NOVA1: variants seen among roughly 807,000 people sequenced by gnomAD.
NOVA1 encodes the protein RNA-binding protein Nova-1.
In NOVA1, 7 loss-of-function variants were observed where a neutral mutation model predicts 38.0. That is an observed-to-expected ratio of 0.18 (90% CI 0.10 to 0.35). The LOEUF is 0.35. Among genes scored for constraint, NOVA1 ranks in the 10% least tolerant of loss-of-function variants. The pLI is 1.00. For missense variants in NOVA1, 460 were observed against 616.0 expected, an observed-to-expected ratio of 0.75 and a Z score of 2.68; for synonymous variants, 270 against 232.5, an observed-to-expected ratio of 1.16 and a Z score of -1.47.
intron 2 of NOVA1, among the ~76,000 whole-genome samples, chr14:26,530,647 C>T (rs1270301535): frequency 1.3e-5 from 2 of 152,112 alleles, no homozygotes; most frequent in East Asian, 3.9e-4. Flanking sequence ...ATTATCCATG[C>T]AAACAAAGGA....
intron 4 of NOVA1, among the ~76,000 whole-genome samples, chr14:26,462,787 T>G (rs567817328): frequency 6.6e-6 from 1 of 152,296 alleles, no homozygotes; most frequent in African/African-American, 2.4e-5. Context: ...AAAGCATATG[T>G]AATGTCAAAG....
chr14:26,448,969 ATT>A lies in NOVA1; in HGVS notation c.520-8_520-7del, dbSNP rs1197834436. The A allele has an allele frequency of 1.3e-6, 2 of 1,588,024 alleles. No individual in the cohort carries two copies. The highest frequency in any genetic ancestry group is 3.6e-5 in the Admixed American group (2 of 54,942). ...TTGGGAACTATAATCTTTACCTGTA[ATT>A]AAAAAAAATACGTATAAATAATACT... On this transcript the variant is annotated splice_polypyrimidine_tract_variant and splice_region_variant and intron_variant, in intron 4 of 4. Coordinates refer to ENST00000539517, the MANE Select transcript of NOVA1 (RefSeq NM_002515.3). The surrounding 1 kb of genome is among the most constrained non-coding windows in gnomAD (Gnocchi z 5.3).
intron 2 of NOVA1, among the ~76,000 whole-genome samples, chr14:26,569,310 T>G (rs1422147539): frequency 6.6e-6 from 1 of 152,230 alleles, no homozygotes; most frequent in East Asian, 1.9e-4. Context: ...ATGAACCTTG[T>G]AAAGTATTTT....
intron 2 of NOVA1, among the ~76,000 whole-genome samples, chr14:26,574,128 C>T (rs1162320292): frequency 2.0e-5 from 3 of 149,890 alleles, no homozygotes; most frequent in African/African-American, 5.0e-5. Context: ...TGGGCTCAAG[C>T]GATTCTCCTG....
At chr14:26,463,590 T>C (rs1883878533) in intron 4 of NOVA1, among the ~76,000 whole-genome samples, 2 of 152,202 alleles carry the variant, frequency 1.3e-5, no homozygotes, top group East Asian at 1.9e-4. Context: ...CTGTCATGTG[T>C]TCAAGATATT....
chr14:26,491,071 C>T (rs1472889859), intron 2 of NOVA1, among the ~76,000 whole-genome samples: 1 of 151,882 alleles, frequency 6.6e-6, no homozygotes, highest in Non-Finnish European at 1.5e-5. Context: ...AGGATGGCCT[C>T]GATCTCCTGG....
chr14:26,517,718 T>C (rs1054628382), intron 2 of NOVA1, among the ~76,000 whole-genome samples: 2 of 152,152 alleles, frequency 1.3e-5, no homozygotes, highest in Non-Finnish European at 2.9e-5. Context: ...AAATTAATCT[T>C]ATCACAAACA....
At chr14:26,456,249 T>C (rs1198951178) in intron 4 of NOVA1, among the ~76,000 whole-genome samples, 1 of 151,896 alleles carries the variant, frequency 6.6e-6, no homozygotes, top group Non-Finnish European at 1.5e-5. Context: ...TTCATTGAAG[T>C]AGATGGTGGA....
At position 26,597,696 on chromosome 14, in the gene NOVA1, G is replaced by C; in HGVS notation, c.-260C>G. ...ACAGGGGAATGGAGGGGGTGTGAGA[G>C]ACGGAGGGTGAAAGAAGAAGAAGAA... On this transcript the variant is annotated 5_prime_UTR_variant, in exon 1 of 5. Transcript: ENST00000539517. The C allele has an allele frequency of 8.7e-7, 1 of 1,152,730 alleles. No individual in the cohort carries two copies. Among genetic ancestry groups the C allele is most frequent in the Non-Finnish European group, 1.1e-6 (1 of 940,724 alleles). 71.4% of individuals were successfully genotyped at this position (1,152,730 alleles called of 1,614,324 possible).
Position 26,597,804 on chromosome 14 carries a change from A to C in NOVA1, c.-368T>G, listed in dbSNP as rs1300098048. On this transcript the variant is annotated 5_prime_UTR_variant, in exon 1 of 5. Transcript: ENST00000539517. ...GGGACCGGGGAGGACAGGCAGAGGG[A>C]GTGGGAGAGCGCGAGGGCTGGCGGG... The C allele has an allele frequency of 1.8e-5, 9 of 506,490 alleles. No homozygotes were observed. The highest frequency in any genetic ancestry group is 2.0e-5 in the Non-Finnish European group (8 of 399,278). 31.4% of individuals were successfully genotyped at this position (506,490 alleles called of 1,614,324 possible). A position where few individuals can be genotyped will look rare whatever the true frequency, so the allele number is the denominator to read the frequency against.
chr14:26,505,082 A>C (rs1474244840), intron 2 of NOVA1, among the ~76,000 whole-genome samples: 2 of 152,178 alleles, frequency 1.3e-5, no homozygotes, highest in African/African-American at 4.8e-5. Context: ...AGTAAATCAC[A>C]TTCAGATAGG....
At chr14:26,459,822 A>T (rs1453276745) in intron 4 of NOVA1, among the ~76,000 whole-genome samples, 2 of 152,018 alleles carry the variant, frequency 1.3e-5, no homozygotes, top group Non-Finnish European at 1.5e-5. Flanking sequence ...CTCCATTTAA[A>T]CTTATGTAAC....
intron 2 of NOVA1, among the ~76,000 whole-genome samples, chr14:26,512,837 A>T (rs1888200179): frequency 5.5e-5 from 1 of 18,184 alleles, no homozygotes; most frequent in South Asian, 0.062. Context: ...TACATATCAT[A>T]AGAGGTAATC....
chr14:26,448,069 C>T lies in NOVA1; in HGVS notation c.1414G>A (p.Val472Ile), dbSNP rs779595724. 6.2e-7 allele frequency: 1 copy of T among 1,614,174 alleles called. No individual in the cohort carries two copies. The highest frequency in any genetic ancestry group is 2.2e-5 in the East Asian group (1 of 44,876). The change falls in exon 5 of 5, where the codon GTA becomes ATA. Residue 472 changes from valine to isoleucine, a missense_variant. Physicochemically the swap from Val to Ile is conservative, Grantham distance 29. Transcript: ENST00000539517. This position sits in a 1 kb window ranked among gnomAD's most constrained non-coding sequence, Gnocchi z 5.3. ...EFVPGTRNRK[V>I]TITGTPAATQ... The stretch of plus-strand genomic sequence containing the variant: ...GCAGCTGGTGTTCCAGTAATGGTTA[C>T]CTTCCGATTCCTTGTGCCAGGTACG...
Position 26,445,380 on chromosome 14 carries a change from C to T in NOVA1, c.*2579G>A, listed in dbSNP as rs1881991640. 1 of 152,172 alleles carries T rather than the reference C, an allele frequency of 6.6e-6. No individual in the cohort carries two copies. Among genetic ancestry groups the T allele is most frequent in the African/African-American group, 2.4e-5 (1 of 41,444 alleles). The allele number at this position is 152,172 out of a possible 1,614,324, so 9.4% of individuals were successfully genotyped here. A position where few individuals can be genotyped will look rare whatever the true frequency, so the allele number is the denominator to read the frequency against. ...GAAGCTGATTTACACATAATGCATA[C>T]AAACCCTTATCTGTCACCATAAATT... On this transcript the variant is annotated 3_prime_UTR_variant, in exon 5 of 5. Transcript: ENST00000539517.
At chr14:26,518,661 G>A (rs983640968) in intron 2 of NOVA1, among the ~76,000 whole-genome samples, 11 of 151,922 alleles carry the variant, frequency 7.2e-5, no homozygotes, top group Non-Finnish European at 7.4e-5. Context: ...GAGAATATTC[G>A]AAATCCTCTA....
chr14:26,581,669 T>C (rs1893234163), intron 2 of NOVA1, among the ~76,000 whole-genome samples: 1 of 151,934 alleles, frequency 6.6e-6, no homozygotes, highest in Admixed American at 6.6e-5. Flanking sequence ...GATTTACATA[T>C]GAATTGGAAA....
Position 26,460,024 on chromosome 14 carries a change from A to G in NOVA1, c.520-11061T>C, listed in dbSNP as rs1408207082. On this transcript the variant is annotated intron_variant, in intron 4 of 4. Transcript: ENST00000539517. ...TATATTTACTGATTAGGTGAATTAT[A>G]TATTTCTTATTATTTTAATTTCACC... is the stretch of plus-strand genomic sequence containing the variant. Among the ~76,000 whole-genome samples, 6 of 151,996 alleles carry G rather than the reference A, an allele frequency of 3.9e-5. No homozygotes were observed. The East Asian group carries it at 1.2e-3, about 29-fold the overall frequency.
At chr14:26,474,623 G>A (rs906622408) in intron 3 of NOVA1, among the ~76,000 whole-genome samples, 8 of 151,740 alleles carry the variant, frequency 5.3e-5, no homozygotes, top group Non-Finnish European at 7.4e-5. Context: ...TAAAATCAAT[G>A]ATTTTAAATT....
Sources: gnomAD v4.1 joint callset for allele counts (sites outside exome capture counted in the v4.1 genomes callset) on GRCh38, gnomAD v4.1.1 for gene constraint, Gnocchi (gnomAD v3.1) non-coding constraint, MANE v1.5 for transcripts, NCBI Gene and HGNC (gene_info 2026-07-23, HGNC 2026-07-21) for gene names.